The following VCL variants were observed in gnomAD, a reference collection of about 807,000 sequenced individuals.
VCL encodes epididymis luminal protein 114.
In VCL, 47 loss-of-function variants were observed where a neutral mutation model predicts 125.7. The ratio of observed to expected loss-of-function variants is 0.37; its 90% confidence interval spans 0.30 to 0.48. The LOEUF (loss-of-function observed/expected upper bound fraction) is 0.48, where lower values mean the gene tolerates loss of function less well. Among genes scored for constraint, VCL ranks in the 20% least tolerant of loss-of-function variants. The pLI is 0.99. For missense variants in VCL, 1,069 were observed against 1,455.5 expected, an observed-to-expected ratio of 0.73 and a Z score of 4.32; for synonymous variants, 458 against 514.6, an observed-to-expected ratio of 0.89 and a Z score of 1.49.
rs987447508 is a variant in VCL at position 74,009,219 on chromosome 10, C to G, written c.168+10844C>G. Among the ~76,000 whole-genome samples, 13 of 101,408 alleles carry G rather than the reference C, an allele frequency of 1.3e-4. 1 individual carries two copies. Among genetic ancestry groups the G allele is most frequent in the South Asian group, 1.0e-3 (2 of 1,960 alleles). The allele number at this position is 101,408 out of a possible 152,430, so 66.5% of individuals were successfully genotyped here. A position where few individuals can be genotyped will look rare whatever the true frequency, so the allele number is the denominator to read the frequency against. Reference sequence around the variant, plus strand: ...ATTGTCTAGGTGGCTGCTGCTTTCCCCCCCCCCCCCCGAGCCATTTTAGTA... The same window carrying G: ...ATTGTCTAGGTGGCTGCTGCTTTCCGCCCCCCCCCCCGAGCCATTTTAGTA... On this transcript the variant is annotated intron_variant, in intron 1 of 21. Coordinates refer to ENST00000211998, the MANE Select transcript of VCL (RefSeq NM_014000.3).
At chr10:74,050,932 ATTTTTTTTTTTTT>A (rs10607921) in intron 2 of VCL, among the ~76,000 whole-genome samples, 1 of 77,440 alleles carries the variant, frequency 1.3e-5, no homozygotes, top group Non-Finnish European at 2.3e-5. Flanking sequence ...GTACTACTGT[ATTTTTTTTTTTTT>A]TTTTTTTTTT....
chr10:74,068,030 A>G (rs1841601127), intron 2 of VCL, among the ~76,000 whole-genome samples: 1 of 152,238 alleles, frequency 6.6e-6, no homozygotes, highest in South Asian at 2.1e-4. Context: ...TTTGGATCCA[A>G]TTTTGGTTTA....
chr10:74,066,606 T>C (rs1841575206), intron 2 of VCL, among the ~76,000 whole-genome samples: 1 of 151,876 alleles, frequency 6.6e-6, no homozygotes, highest in Admixed American at 6.6e-5. Context: ...TAATTATCTC[T>C]GGAGAATAGG....
At chr10:74,091,923 T>C (rs1839894600) in intron 10 of VCL, among the ~76,000 whole-genome samples, 1 of 152,012 alleles carries the variant, frequency 6.6e-6, no homozygotes, top group Non-Finnish European at 1.5e-5. Context: ...TATTTATTTA[T>C]TTTTGAGACG....
At chr10:74,078,494 A>G (rs1262463137) in intron 6 of VCL, among the ~76,000 whole-genome samples, 1 of 152,224 alleles carries the variant, frequency 6.6e-6, no homozygotes, top group African/African-American at 2.4e-5. Flanking sequence ...TAATAGAATG[A>G]AAGATCTCTA....
chr10:74,043,000 T>C (rs1339230160), intron 1 of VCL, 83 bp from the exon 2 acceptor site: 15 of 1,292,196 alleles, frequency 1.2e-5, no homozygotes, highest in Non-Finnish European at 1.7e-5. Context: ...TATGTTTAAG[T>C]ATATGTTTCA....
rs1289781428 is a variant in VCL, at chr10:74,097,866, C to G, written c.1872+534C>G. The stretch of plus-strand genomic sequence containing the variant: ...AGAGTGCTAACAATGAAGAAAATTG[C>G]CAGCGATGTGCTGGTAAGCCAACTC... On this transcript the variant is annotated intron_variant, in intron 13 of 21. Transcript: ENST00000211998. The surrounding 1 kb of genome is among the most constrained non-coding windows in gnomAD (Gnocchi z 4.1). Among the ~76,000 whole-genome samples, 1 of 152,142 alleles carries G rather than the reference C, an allele frequency of 6.6e-6. No homozygotes were observed. Among genetic ancestry groups the G allele is most frequent in the Admixed American group, 6.5e-5 (1 of 15,280 alleles).
intron 1 of VCL, among the ~76,000 whole-genome samples, chr10:74,028,516 C>G (rs1431410764): frequency 1.3e-5 from 2 of 151,708 alleles, no homozygotes; most frequent in East Asian, 3.9e-4. Context: ...CCTGCCTCAG[C>G]CTCCCAAGTA....
Position 74,105,297 on chromosome 10 carries a change from C to A in VCL, c.2378C>A (p.Thr793Asn), listed in dbSNP as rs773421444. 19 of 1,613,324 alleles carry A rather than the reference C, an allele frequency of 1.2e-5. No individual in the cohort carries two copies. Among genetic ancestry groups the A allele is most frequent in the Admixed American group, 6.7e-5 (4 of 60,000 alleles). The change falls in exon 16 of 22, where the codon ACC (threonine) becomes AAC (asparagine). Residue 793 changes from threonine to asparagine, a missense_variant. By Grantham distance (65) the Thr-to-Asn change is moderately conservative (BLOSUM62 0). Around this residue, in one of 6 missense-constraint regions of VCL, gnomAD observed 760 missense variants for 928.9 expected, o/e 0.82. Coordinates refer to ENST00000211998, the MANE Select transcript of VCL (RefSeq NM_014000.3). ...VKAASDELSK[T>N]ISPMVMDAKA... ...GCTGCCTCTGATGAATTGAGCAAAACCATCTCCCCGATGGTGATGGATGCA... is the reference window on the plus strand; with the variant it reads ...GCTGCCTCTGATGAATTGAGCAAAAACATCTCCCCGATGGTGATGGATGCA...
At chr10:74,042,222 A>G (rs544587205) in intron 1 of VCL, among the ~76,000 whole-genome samples, 4 of 152,294 alleles carry the variant, frequency 2.6e-5, no homozygotes, top group South Asian at 2.1e-4. Flanking sequence ...AATGGCCCAC[A>G]TAGTACTCAA....
intron 8 of VCL, among the ~76,000 whole-genome samples, chr10:74,084,039 G>A (rs1839725702): frequency 6.6e-6 from 1 of 151,988 alleles, no homozygotes; most frequent in Non-Finnish European, 1.5e-5. Flanking sequence ...GCTAATTTTT[G>A]TATTTTTAGT....
At chr10:73,999,653 CTT>C (rs1231354403) in intron 1 of VCL, among the ~76,000 whole-genome samples, 1 of 152,198 alleles carries the variant, frequency 6.6e-6, no homozygotes. Context: ...CTTAGAGGCT[CTT>C]TAGCAGCTGA....
At chr10:74,095,888 T>C in intron 12 of VCL, 33 bp downstream of exon 12, 1 of 1,606,380 alleles carries the variant, frequency 6.2e-7, no homozygotes, top group Non-Finnish European at 8.5e-7. Context: ...ATTTTACTTT[T>C]TATGCTTCCT....
intron 1 of VCL, among the ~76,000 whole-genome samples, chr10:74,017,339 G>T (rs979861831): frequency 6.6e-6 from 1 of 151,996 alleles, no homozygotes; most frequent in Non-Finnish European, 1.5e-5. Context: ...GAGCCACCGC[G>T]CCCGGCCTCC....
intron 16 of VCL, among the ~76,000 whole-genome samples, 176 bp downstream of exon 16, chr10:74,105,529 C>T (rs753535339): frequency 5.9e-5 from 9 of 152,114 alleles, no homozygotes; most frequent in Non-Finnish European, 1.0e-4. Flanking sequence ...CAGTTATCAG[C>T]AGGCTTGTTG....
intron 2 of VCL, among the ~76,000 whole-genome samples, chr10:74,059,337 CAG>C (rs1192080250): frequency 6.7e-6 from 1 of 148,842 alleles, no homozygotes; most frequent in African/African-American, 2.5e-5. Context: ...GCCTGGGTGA[CAG>C]AGCAAGACTC....
intron 2 of VCL, among the ~76,000 whole-genome samples, chr10:74,049,686 T>G (rs1841264000): frequency 6.6e-6 from 1 of 152,036 alleles, no homozygotes; most frequent in Non-Finnish European, 1.5e-5. Flanking sequence ...TGGGCAATAG[T>G]GAAGGTCCTT....
At chr10:74,067,528 T>C (rs1393575660) in intron 2 of VCL, among the ~76,000 whole-genome samples, 1 of 152,150 alleles carries the variant, frequency 6.6e-6, no homozygotes, top group Non-Finnish European at 1.5e-5. Flanking sequence ...CCTAGGTATA[T>C]AACTAAGAGA....
At chr10:74,024,659 C>T (rs559185648) in intron 1 of VCL, among the ~76,000 whole-genome samples, 16 of 151,442 alleles carry the variant, frequency 1.1e-4, no homozygotes, top group African/African-American at 1.5e-4. Flanking sequence ...TTCAAGTTTT[C>T]ATCACACCTG....
Sources: gnomAD v4.1 joint callset for allele counts (sites outside exome capture counted in the v4.1 genomes callset) on GRCh38, gnomAD v4.1.1 for gene constraint, gnomAD v4.1.1 regional missense constraint, Gnocchi (gnomAD v3.1) non-coding constraint, MANE v1.5 for transcripts, NCBI Gene and HGNC (gene_info 2026-07-23, HGNC 2026-07-21) for gene names.